Variants in BTNL3 observed in about 807,000 individuals in gnomAD.
BTNL3 encodes the protein butyrophilin like 3.
Under a neutral mutation model 40.1 loss-of-function variants are expected in BTNL3, and 20 were observed. The observed-to-expected ratio is 0.50, with a 90% CI of 0.35 to 0.72. The LOEUF is 0.72. BTNL3 is among the 30% of genes least tolerant of loss of function. The pLI, the probability that BTNL3 is intolerant of heterozygous loss-of-function variation, is 0.01. For synonymous variants in BTNL3, 179 were observed against 222.1 expected (o/e 0.81, Z 1.73); for missense variants, 449 against 582.2 (o/e 0.77, Z 2.35).
At position 180,995,422 on chromosome 5, in the gene BTNL3, GTCA is replaced by G. The variant is rs1163672454; in HGVS notation, c.398-1790_398-1788del. 5.9e-5 allele frequency among the ~76,000 whole-genome samples: 8 copies of G among 136,496 alleles called. 1 individual carries two copies. Among genetic ancestry groups the G allele is most frequent in the Non-Finnish European group, 1.3e-4 (8 of 59,706 alleles). The allele number at this position is 136,496 out of a possible 152,430, so 89.5% of individuals were successfully genotyped here. A position where few individuals can be genotyped will look rare whatever the true frequency, so the allele number is the denominator to read the frequency against. On this transcript the variant is annotated intron_variant, in intron 2 of 7. Transcript: ENST00000342868. The stretch of plus-strand genomic sequence containing the variant: ...ATGTAAAGCTTCTGTTTTGCAGGCA[GTCA>G]CCATGTTTAGATTTATGACTCAGGT...
chr5:181,000,186 C>A, intron 3 of BTNL3, among the ~76,000 whole-genome samples: 1 of 136,140 alleles, frequency 7.3e-6, no homozygotes, highest in Middle Eastern at 3.6e-3. Context: ...ATATCATGAC[C>A]AAACTTATCC....
Position 181,006,046 on chromosome 5 carries a change from G to C in BTNL3, c.*174G>C, listed in dbSNP as rs1415166828. 4.4e-6 allele frequency: 3 copies of C among 685,240 alleles called. No homozygotes were observed. The highest frequency in any genetic ancestry group is 6.9e-6 in the Non-Finnish European group (3 of 434,604). 42.4% of individuals were successfully genotyped at this position (685,240 alleles called of 1,614,324 possible). A position where few individuals can be genotyped will look rare whatever the true frequency, so the allele number is the denominator to read the frequency against. ...TTCTGCCCTGAGCCCTGCAGCAGCG[G>C]CAGTCACAGCTTCCAGATGAGGGGG... On this transcript the variant is annotated 3_prime_UTR_variant, in exon 8 of 8. Transcript: ENST00000342868.
chr5:180,995,166 T>C lies in BTNL3; in HGVS notation c.397+2006T>C, dbSNP rs908406259. ...TTTGTTTTTGCATTTTTTTCTGTTATATTACTTCTGATTTGTTTTTTATAA... is the reference window on the plus strand; with the variant it reads ...TTTGTTTTTGCATTTTTTTCTGTTACATTACTTCTGATTTGTTTTTTATAA... On this transcript the variant is annotated intron_variant, in intron 2 of 7. Transcript: ENST00000342868. Among the ~76,000 whole-genome samples, 4 of 137,366 alleles carry C rather than the reference T, an allele frequency of 2.9e-5. 1 individual carries two copies. Among genetic ancestry groups the C allele is most frequent in the African/African-American group, 1.0e-4 (4 of 39,916 alleles). 90.1% of individuals were successfully genotyped at this position (137,366 alleles called of 152,430 possible).
intron 3 of BTNL3, among the ~76,000 whole-genome samples, chr5:180,999,879 G>T (rs892649217): frequency 5.9e-5 from 8 of 136,614 alleles, no homozygotes; most frequent in African/African-American, 1.3e-4. Flanking sequence ...TTGTAACCAT[G>T]AAAGAGGTGG....
At chr5:180,993,405 A>C (rs1759998562) in intron 2 of BTNL3, among the ~76,000 whole-genome samples, 1 of 136,418 alleles carries the variant, frequency 7.3e-6, no homozygotes, top group African/African-American at 2.5e-5. Context: ...ATACAGAGGA[A>C]AGCCACTCCC....
intron 2 of BTNL3, among the ~76,000 whole-genome samples, chr5:180,996,843 G>A (rs1268131188): frequency 1.5e-5 from 2 of 136,866 alleles, no homozygotes; most frequent in African/African-American, 5.0e-5. Context: ...ACTATGAAAT[G>A]TATTTTATAC....
rs984150014 is a variant in BTNL3 at position 181,005,624 on chromosome 5, G to T, written c.1153G>T (p.Glu385Ter). Residue 385 changes from glutamate to a stop codon, truncating the protein, a stop_gained, in exon 8 of 8, where the codon GAA (glutamate) becomes TAA (stop). Coordinates refer to ENST00000342868, the MANE Select transcript of BTNL3 (RefSeq NM_197975.3). LOFTEE classifies it low-confidence loss of function (END_TRUNC). ...GTATTGGGTCCTCAGACTGACAACA[G>T]AACATTTGTATTTCACATTCAATCC... ...NGYWVLRLTT[E>*]HLYFTFNPHF... is the part of the protein sequence containing the mutation. 8.7e-6 allele frequency: 14 copies of T among 1,613,950 alleles called. No homozygotes were observed. In the East Asian group the frequency reaches 3.1e-4, roughly 36 times the overall value.
In BTNL3 at chr5:180,992,916, G is replaced by A. The variant is rs1759989491; in HGVS notation, c.153G>A (p.Met51Ile). The A allele has an allele frequency of 6.8e-7, 1 of 1,463,518 alleles. No homozygotes were observed. Among genetic ancestry groups the A allele is most frequent in the Non-Finnish European group, 9.4e-7 (1 of 1,059,014 alleles). 90.7% of individuals were successfully genotyped at this position (1,463,518 alleles called of 1,614,324 possible). ...SLFPETSAEA[M>I]EVRFFRNQFH... is the part of the protein sequence containing the mutation. Reference sequence around the variant, plus strand: ...TTCCTGAGACCAGTGCAGAGGCTATGGAAGTGCGGTTCTTCAGGAATCAGT... The same window carrying A: ...TTCCTGAGACCAGTGCAGAGGCTATAGAAGTGCGGTTCTTCAGGAATCAGT... Residue 51 changes from methionine (M) to isoleucine (I), a missense_variant, in exon 2 of 8, where the codon ATG becomes ATA. By Grantham distance (10) the Met-to-Ile change is conservative. This residue lies in a region of BTNL3 where 323 missense variants were observed against 464.9 expected (regional missense o/e 0.69). Transcript: ENST00000342868.
chr5:180,992,871 C>T lies in BTNL3; in HGVS notation c.108C>T (p.Ala36=), dbSNP rs201380186. Residue 36 remains alanine, a synonymous_variant, in exon 2 of 8, where the codon GCC becomes GCT. Transcript: ENST00000342868. Reference sequence around the variant, plus strand: ...TCCAGGCCTTGGTGGGGGAGGACGCCGTGTTCTCCTGCTCCCTCTTTCCTG... The same window carrying T: ...TCCAGGCCTTGGTGGGGGAGGACGCTGTGTTCTCCTGCTCCCTCTTTCCTG... ...KFVQALVGED[A]VFSCSLFPET... 3.0e-4 allele frequency: 434 copies of T among 1,462,978 alleles called. 104 individuals carry two copies. Among genetic ancestry groups the T allele is most frequent in the Admixed American group, 6.4e-4 (34 of 53,182 alleles). 90.6% of individuals were successfully genotyped at this position (1,462,978 alleles called of 1,614,324 possible).
At chr5:181,002,596 G>A in intron 3 of BTNL3, 76 bp from the exon 4 acceptor site, 1 of 1,319,504 alleles carries the variant, frequency 7.6e-7, no homozygotes. Flanking sequence ...TTGGGGTACT[G>A]GGGGATTCCT....
rs1760225081 is a variant in BTNL3 at position 181,006,017 on chromosome 5, GTTC to G, written c.*150_*152del. On this transcript the variant is annotated 3_prime_UTR_variant, in exon 8 of 8. Coordinates refer to ENST00000342868, the MANE Select transcript of BTNL3 (RefSeq NM_197975.3). Reference sequence around the variant, plus strand: ...CCCCACTCTCCTTTAGGGAGCTGAGGTTCTTCTGCCCTGAGCCCTGCAGCAGCG... The same window carrying G: ...CCCCACTCTCCTTTAGGGAGCTGAGGTTCTGCCCTGAGCCCTGCAGCAGCG... 3.2e-6 allele frequency: 3 copies of G among 935,002 alleles called. No homozygotes were observed. The highest frequency in any genetic ancestry group is 3.0e-5 in the Admixed American group (1 of 33,612). 57.9% of individuals were successfully genotyped at this position (935,002 alleles called of 1,614,324 possible).
At position 180,995,305 on chromosome 5, in the gene BTNL3, A is replaced by G. The variant is rs1205331279; in HGVS notation, c.398-1908A>G. On this transcript the variant is annotated intron_variant, in intron 2 of 7. Transcript: ENST00000342868. ...GGCAATCACATGATTGTCTATTTTCATTCAAGTTGATATTTAATTGGTTCT... is the reference window on the plus strand; with the variant it reads ...GGCAATCACATGATTGTCTATTTTCGTTCAAGTTGATATTTAATTGGTTCT... 1.5e-5 allele frequency among the ~76,000 whole-genome samples: 2 copies of G among 136,774 alleles called. 1 individual carries two copies. The highest frequency in any genetic ancestry group is 3.3e-5 in the Non-Finnish European group (2 of 59,866). 89.7% of individuals were successfully genotyped at this position (136,774 alleles called of 152,430 possible).
At position 180,989,035 on chromosome 5, in the gene BTNL3, T is replaced by G; in HGVS notation, c.7T>G (p.Phe3Val). Reference sequence around the variant, plus strand: ...TCAACCCACAGGAATATCCATGGCTTTTGTGCTCATTTTGGTTCTCAGTTT... The same window carrying G: ...TCAACCCACAGGAATATCCATGGCTGTTGTGCTCATTTTGGTTCTCAGTTT... MA[F>V]VLILVLSFYE... The change falls in exon 1 of 8, where the codon TTT (phenylalanine) becomes GTT (valine). Residue 3 changes from phenylalanine to valine, a missense_variant. Phe to Val is a conservative substitution (Grantham distance 50, BLOSUM62 -1). This residue lies in a region of BTNL3 where 323 missense variants were observed against 464.9 expected (regional missense o/e 0.69). Coordinates refer to ENST00000342868, the MANE Select transcript of BTNL3 (RefSeq NM_197975.3). 2.1e-6 allele frequency: 3 copies of G among 1,450,796 alleles called. No individual in the cohort carries two copies. Among genetic ancestry groups the G allele is most frequent in the East Asian group, 2.5e-5 (1 of 40,366 alleles). 89.9% of individuals were successfully genotyped at this position (1,450,796 alleles called of 1,614,324 possible).
chr5:181,000,942 G>C (rs1760100684), intron 3 of BTNL3, among the ~76,000 whole-genome samples: 1 of 136,458 alleles, frequency 7.3e-6, no homozygotes, highest in Non-Finnish European at 1.7e-5. Flanking sequence ...ACTTCAATAA[G>C]GGAAGAAAAT....
At chr5:181,001,013 A>G (rs1434982059) in intron 3 of BTNL3, among the ~76,000 whole-genome samples, 1 of 135,628 alleles carries the variant, frequency 7.4e-6, no homozygotes, top group African/African-American at 2.5e-5. Context: ...AGTTTATATG[A>G]TGATATAAAC....
At chr5:181,002,367 C>CAT (rs1760130302) in intron 3 of BTNL3, among the ~76,000 whole-genome samples, 1 of 27,360 alleles carries the variant, frequency 3.7e-5, no homozygotes, top group African/African-American at 7.8e-5. Context: ...CACACACACA[C>CAT]GTGTGTGTGT....
chr5:181,004,646 A>C, intron 6 of BTNL3, 90 bp from the exon 7 acceptor site: 2 of 1,613,038 alleles, frequency 1.2e-6, no homozygotes, highest in Non-Finnish European at 1.7e-6. Context: ...CAACACTCAA[A>C]AAGGGTCCCA....
In BTNL3 at chr5:180,993,044, G is replaced by C. The variant is rs531399697; in HGVS notation, c.281G>C (p.Gly94Ala). The C allele has an allele frequency of 1.4e-6, 2 of 1,457,556 alleles. No individual in the cohort carries two copies. The highest frequency in any genetic ancestry group is 1.1e-5 in the South Asian group (1 of 88,712). 90.3% of individuals were successfully genotyped at this position (1,457,556 alleles called of 1,614,324 possible). A position where few individuals can be genotyped will look rare whatever the true frequency, so the allele number is the denominator to read the frequency against. ...RTEFVKDSIA[G>A]GRVSLRLKNI... ...GAGTTTGTGAAGGACTCCATTGCAGGGGGGCGTGTCTCTCTAAGGCTAAAA... is the reference window on the plus strand; with the variant it reads ...GAGTTTGTGAAGGACTCCATTGCAGCGGGGCGTGTCTCTCTAAGGCTAAAA... Residue 94 changes from glycine (G) to alanine (A), a missense_variant, in exon 2 of 8, where the codon GGG becomes GCG. Gly to Ala is a moderately conservative substitution (Grantham distance 60, BLOSUM62 0). Transcript: ENST00000342868.
At chr5:180,989,944 G>A (rs1348029163) in intron 1 of BTNL3, among the ~76,000 whole-genome samples, 1 of 136,566 alleles carries the variant, frequency 7.3e-6, no homozygotes, top group Non-Finnish European at 1.7e-5. Flanking sequence ...TGGATCACCT[G>A]AGGTCAGGAG....
Sources: gnomAD v4.1 joint callset for allele counts (sites outside exome capture counted in the v4.1 genomes callset) on GRCh38, gnomAD v4.1.1 for gene constraint, gnomAD v4.1.1 regional missense constraint, MANE v1.5 for transcripts, NCBI Gene and HGNC (gene_info 2026-07-23, HGNC 2026-07-21) for gene names.